Variants in CRIM1 observed in about 807,000 individuals in gnomAD.
The protein encoded by CRIM1 is cysteine rich transmembrane BMP regulator 1.
Under a neutral mutation model 116.4 loss-of-function variants are expected in CRIM1, and 32 were observed. The ratio of observed to expected loss-of-function variants is 0.27; its 90% confidence interval spans 0.21 to 0.37. CRIM1 has a LOEUF of 0.37. CRIM1 is among the 10% of genes least tolerant of loss of function. The pLI is 1.00. For missense variants in CRIM1, 1,331 were observed against 1,354.8 expected (o/e 0.98, Z 0.28); for synonymous variants, 590 against 509.2 (o/e 1.16, Z -2.13).
At chr2:36,431,487 A>G (rs1674886881) in intron 2 of CRIM1, among the ~76,000 whole-genome samples, 2 of 152,168 alleles carry the variant, frequency 1.3e-5, no homozygotes. Flanking sequence ...CTTTCTAAAA[A>G]CATCTGAAAT....
At chr2:36,449,084 T>TGTC (rs1676484744) in intron 4 of CRIM1, among the ~76,000 whole-genome samples, 1 of 152,082 alleles carries the variant, frequency 6.6e-6, no homozygotes, top group African/African-American at 2.4e-5. Flanking sequence ...TTAGATTATC[T>TGTC]GTCAGCTAAT....
intron 1 of CRIM1, chr2:36,378,220 C>G: frequency 2.2e-6 from 1 of 445,652 alleles, no homozygotes; most frequent in South Asian, 1.7e-5. Context: ...CGCAGGTGTT[C>G]AGTAAATGTA....
intron 14 of CRIM1, among the ~76,000 whole-genome samples, chr2:36,540,905 T>C (rs1462466041): frequency 4.6e-5 from 7 of 152,208 alleles, no homozygotes; most frequent in East Asian, 1.9e-4. Flanking sequence ...AGTACAGATA[T>C]TGCTAACATC....
intron 2 of CRIM1, among the ~76,000 whole-genome samples, chr2:36,433,794 A>G (rs1356234414): frequency 6.6e-6 from 1 of 152,146 alleles, no homozygotes; most frequent in Admixed American, 6.5e-5. Context: ...TGGCTAAGTT[A>G]TACTGCACAG....
intron 5 of CRIM1, among the ~76,000 whole-genome samples, chr2:36,474,477 T>G (rs1173323046): frequency 6.6e-6 from 1 of 152,200 alleles, no homozygotes; most frequent in Non-Finnish European, 1.5e-5. Context: ...CATAACTCTA[T>G]GATTCATTTT....
At chr2:36,469,598 CAT>C (rs1434793642) in intron 5 of CRIM1, among the ~76,000 whole-genome samples, 2 of 152,158 alleles carry the variant, frequency 1.3e-5, no homozygotes, top group East Asian at 3.9e-4. Context: ...GCTTGCTCCT[CAT>C]GTAAAATTTT....
At chr2:36,379,063 G>T (rs1002971522) in intron 1 of CRIM1, 2 of 152,150 alleles carry the variant, frequency 1.3e-5, no homozygotes, top group South Asian at 4.1e-4. Flanking sequence ...TCATTCAAAT[G>T]AAACAGCTTG....
intron 1 of CRIM1, among the ~76,000 whole-genome samples, chr2:36,392,194 A>G (rs1012400078): frequency 1.3e-5 from 2 of 152,238 alleles, no homozygotes; most frequent in Non-Finnish European, 2.9e-5. Flanking sequence ...TGTAGTACTC[A>G]ATATTGGACA....
chr2:36,519,067 T>G (rs75722729), intron 12 of CRIM1, among the ~76,000 whole-genome samples: 1,747 of 151,952 alleles, frequency 0.011, 33 homozygotes, highest in African/African-American at 0.04. Flanking sequence ...TCCGGGAAAC[T>G]AAAGCAGCAA....
At chr2:36,505,139 G>A (rs1170882184) in intron 8 of CRIM1, among the ~76,000 whole-genome samples, 3 of 152,146 alleles carry the variant, frequency 2.0e-5, no homozygotes, top group Non-Finnish European at 4.4e-5. Flanking sequence ...TCAAAATTGG[G>A]ACCACCATTT....
In CRIM1 at chr2:36,356,454, C is replaced by T; in HGVS notation, c.162C>T (p.Ser54=). The T allele has an allele frequency of 6.2e-7, 1 of 1,612,388 alleles. No individual in the cohort carries two copies. Among genetic ancestry groups the T allele is most frequent in the Non-Finnish European group, 8.5e-7 (1 of 1,179,796 alleles). The change falls in exon 1 of 17, where the codon AGC becomes AGT. Residue 54 remains serine (S), a synonymous_variant. Coordinates refer to ENST00000280527, the MANE Select transcript of CRIM1 (RefSeq NM_016441.3). This position sits in a 1 kb window ranked among gnomAD's most constrained non-coding sequence, Gnocchi z 4.3. ...AGGAGCCCAGGAACTGCCCGGGGAG[C>T]ATCGTGCAGGGCGTCTGCGGCTGCT... The part of the protein sequence containing the change: ...KCEEPRNCPG[S]IVQGVCGCCY...
chr2:36,376,459 G>T (rs1670326675), intron 1 of CRIM1, among the ~76,000 whole-genome samples: 2 of 152,210 alleles, frequency 1.3e-5, no homozygotes, highest in Admixed American at 6.5e-5. Context: ...TTGGAGCTGG[G>T]CCAACTCGCA....
chr2:36,499,448 C>G, intron 8 of CRIM1, 101 bp downstream of exon 8: 2 of 1,228,332 alleles, frequency 1.6e-6, no homozygotes, highest in South Asian at 3.1e-5. Flanking sequence ...TTCAGACATT[C>G]CCTTGACAAC....
chr2:36,469,860 A>G (rs1678354168), intron 5 of CRIM1, among the ~76,000 whole-genome samples: 1 of 152,126 alleles, frequency 6.6e-6, no homozygotes, highest in African/African-American at 2.4e-5. Flanking sequence ...AGTGATACAC[A>G]TTGTTGTAAT....
Position 36,513,381 on chromosome 2 carries a change from T to G in CRIM1, c.1781-175T>G, listed in dbSNP as rs533959289. 7 of 577,240 alleles carry G rather than the reference T, an allele frequency of 1.2e-5. No homozygotes were observed. The African/African-American group carries it at 1.3e-4, about 11-fold the overall frequency. 35.8% of individuals were successfully genotyped at this position (577,240 alleles called of 1,614,324 possible). Reference sequence around the variant, plus strand: ...CGGTTTTTTTCTCTCTTTTCTTTTTTCAAGATTGAGAACATACTGACTTAA... The same window carrying G: ...CGGTTTTTTTCTCTCTTTTCTTTTTGCAAGATTGAGAACATACTGACTTAA... On this transcript the variant is annotated intron_variant, in intron 10 of 16. Coordinates refer to ENST00000280527, the MANE Select transcript of CRIM1 (RefSeq NM_016441.3).
At chr2:36,403,645 G>C (rs1415268033) in intron 2 of CRIM1, among the ~76,000 whole-genome samples, 1 of 152,084 alleles carries the variant, frequency 6.6e-6, no homozygotes, top group Non-Finnish European at 1.5e-5. Context: ...TTGACTTTCG[G>C]GGATGAAGAA....
rs184140073 is a variant in CRIM1 at position 36,419,577 on chromosome 2, C to A, written c.506-21681C>A. On this transcript the variant is annotated intron_variant, in intron 2 of 16. Transcript: ENST00000280527. ...GTTCTTAGTACACAGCCCTTACTTA[C>A]CACATTGAAGAGACTGAATGCACTG... Among the ~76,000 whole-genome samples, 5 of 152,314 alleles carry A rather than the reference C, an allele frequency of 3.3e-5. No homozygotes were observed. The East Asian group carries it at 7.7e-4, about 24-fold the overall frequency.
chr2:36,539,933 C>T (rs1666832015), intron 14 of CRIM1, among the ~76,000 whole-genome samples: 1 of 151,986 alleles, frequency 6.6e-6, no homozygotes, highest in Admixed American at 6.5e-5. Flanking sequence ...GGTTTTTAAG[C>T]CTTGAGACTA....
intron 14 of CRIM1, among the ~76,000 whole-genome samples, chr2:36,541,754 A>G (rs1467690505): frequency 6.6e-6 from 1 of 152,170 alleles, no homozygotes; most frequent in Non-Finnish European, 1.5e-5. Flanking sequence ...GTAGGGCTGG[A>G]TGTAGCTTTG....
Sources: gnomAD v4.1 joint callset for allele counts (sites outside exome capture counted in the v4.1 genomes callset) on GRCh38, gnomAD v4.1.1 for gene constraint, Gnocchi (gnomAD v3.1) non-coding constraint, MANE v1.5 for transcripts, NCBI Gene and HGNC (gene_info 2026-07-23, HGNC 2026-07-21) for gene names.